The following NCAM1 variants were observed in gnomAD, a reference collection of about 807,000 sequenced individuals.
NCAM1 encodes neural cell adhesion molecule 1.
Under a neutral mutation model 109.8 loss-of-function variants are expected in NCAM1, and 14 were observed. That is an observed-to-expected ratio of 0.13 (90% CI 0.08 to 0.20). The LOEUF (loss-of-function observed/expected upper bound fraction) is 0.20. Ranked by LOEUF, NCAM1 falls within the 10% of genes least tolerant of loss-of-function variation. The pLI is 1.00. For synonymous variants in NCAM1, 418 were observed against 442.9 expected (o/e 0.94, Z 0.70); for missense variants, 774 against 1,109.9 (o/e 0.70, Z 4.30).
intron 9 of NCAM1, chr11:113,221,980 C>T (rs1313819336): frequency 6.6e-6 from 1 of 152,234 alleles, no homozygotes; most frequent in Non-Finnish European, 1.5e-5. Context: ...CTCATTGCTT[C>T]AGTTTGGATA....
chr11:113,171,788 G>C (rs185513897), intron 1 of NCAM1, among the ~76,000 whole-genome samples: 10 of 152,098 alleles, frequency 6.6e-5, no homozygotes, highest in Admixed American at 6.5e-4. Flanking sequence ...AATTCTGTCC[G>C]CCCCAAATTC....
intron 18 of NCAM1, 120 bp from the exon 19 acceptor site, chr11:113,271,640 T>C (rs1381362374): frequency 1.9e-5 from 12 of 640,752 alleles, no homozygotes; most frequent in Non-Finnish European, 3.0e-5. Context: ...ACTTATACAT[T>C]TGAATCTGTT....
intron 7 of NCAM1, 77 bp from the exon 8 acceptor site, chr11:113,214,292 G>T: frequency 6.7e-7 from 1 of 1,488,196 alleles, no homozygotes; most frequent in East Asian, 2.3e-5. Flanking sequence ...AACCTTTGTT[G>T]GATAGGTGCA....
Position 113,185,079 on chromosome 11 carries a change from T to TATATAGAGAGAGAGAGAG in NCAM1, c.53-17299_53-17298insTATAGAGAGAGAGAGAGA. Among the ~76,000 whole-genome samples the TATATAGAGAGAGAGAGAG allele has an allele frequency of 3.2e-5, 4 of 125,754 alleles. No homozygotes were observed. In the East Asian group the frequency reaches 1.1e-3, roughly 36 times the overall value. 82.5% of individuals were successfully genotyped at this position (125,754 alleles called of 152,430 possible). On this transcript the variant is annotated intron_variant, in intron 1 of 19. Transcript: ENST00000316851. ...GTGTGCATTTATATTTATATATATA[T>TATATAGAGAGAGAGAGAG]AGAGAGAGAGAGAGAGAGAGAGAGA...
intron 5 of NCAM1, among the ~76,000 whole-genome samples, chr11:113,206,569 T>C (rs375195197): frequency 6.6e-6 from 1 of 152,216 alleles, no homozygotes; most frequent in Non-Finnish European, 1.5e-5. Context: ...GTCAGAATCA[T>C]GGTCCATAGG....
Sources: allele counts gnomAD v4.1 joint callset (sites outside exome capture counted in the v4.1 genomes callset), GRCh38; gene constraint gnomAD v4.1.1; transcripts MANE v1.5; gene names NCBI Gene and HGNC (gene_info 2026-07-23, HGNC 2026-07-21).